The following WDPCP variants were observed in gnomAD, a reference collection of about 807,000 sequenced individuals.
WDPCP encodes WD repeat containing planar cell polarity effector, also known as WD repeat-containing and planar cell polarity effector protein fritz homolog.
In WDPCP, 71 loss-of-function variants were observed where a neutral mutation model predicts 93.1. The observed-to-expected ratio is 0.76, with a 90% CI of 0.63 to 0.93. The LOEUF (loss-of-function observed/expected upper bound fraction) is 0.93, where lower values mean the gene tolerates loss of function less well. WDPCP is among the 40% of genes least tolerant of loss of function. The probability of loss-of-function intolerance (pLI) is 0.00; values close to 1 mark genes in which losing one functional copy is unlikely to be tolerated. For synonymous variants in WDPCP, 315 were observed against 315.0 expected (o/e 1.00, Z 0.00); for missense variants, 844 against 887.4 (o/e 0.95, Z 0.62).
chr2:63,691,009 T>G (rs1475109064), intron 2 of WDPCP, among the ~76,000 whole-genome samples: 1 of 152,056 alleles, frequency 6.6e-6, no homozygotes, highest in Non-Finnish European at 1.5e-5. Context: ...TGTATATCAG[T>G]GGGGAGAAAT....
At chr2:63,631,930 C>T (rs932264626) in intron 3 of WDPCP, among the ~76,000 whole-genome samples, 7 of 152,232 alleles carry the variant, frequency 4.6e-5, no homozygotes, top group African/African-American at 7.2e-5. Flanking sequence ...CTGCAGAGGA[C>T]ACTGGCATCT....
At chr2:63,684,440 A>G (rs1318801694) in intron 2 of WDPCP, 2 of 846,928 alleles carry the variant, frequency 2.4e-6, no homozygotes, top group Non-Finnish European at 4.1e-6. Flanking sequence ...GGTGGCTGGA[A>G]TTGACTGCTA....
chr2:63,354,902 A>T (rs980115630), intron 12 of WDPCP, among the ~76,000 whole-genome samples: 2 of 152,240 alleles, frequency 1.3e-5, no homozygotes. Context: ...AATAAAAAGA[A>T]TAAAATGGAA....
chr2:63,679,990 GACC>G (rs1269115679), intron 2 of WDPCP, among the ~76,000 whole-genome samples: 8 of 152,288 alleles, frequency 5.3e-5, no homozygotes, highest in African/African-American at 1.7e-4. Flanking sequence ...AGCAGGCAGA[GACC>G]ACTTCTCTCA....
chr2:63,150,305 T>C (rs957445806), intron 17 of WDPCP, among the ~76,000 whole-genome samples: 1 of 152,172 alleles, frequency 6.6e-6, no homozygotes, highest in Non-Finnish European at 1.5e-5. Flanking sequence ...GGATGACTTT[T>C]TACTATCTTC....
intron 2 of WDPCP, among the ~76,000 whole-genome samples, chr2:63,707,476 A>T (rs1669179341): frequency 6.6e-6 from 1 of 152,186 alleles, no homozygotes; most frequent in African/African-American, 2.4e-5. Flanking sequence ...TTTCAGCTCC[A>T]TCAGGTCCCT....
intron 1 of WDPCP, among the ~76,000 whole-genome samples, chr2:63,521,686 A>T (rs913662599): frequency 3.9e-5 from 6 of 152,160 alleles, no homozygotes; most frequent in Non-Finnish European, 8.8e-5. Flanking sequence ...CCTAATAGAC[A>T]TCTACAGAAC....
rs796912329 is a variant in WDPCP, at chr2:63,353,479, C to T, written c.1748+24907G>A. ...GTAGCATTGCACCTCCCTGAGAAGGCGCTCCTGGTGGGAGGGGCAGGCCAC... is the reference window on the plus strand; with the variant it reads ...GTAGCATTGCACCTCCCTGAGAAGGTGCTCCTGGTGGGAGGGGCAGGCCAC... On this transcript the variant is annotated intron_variant, in intron 12 of 17. Transcript: ENST00000272321. 1.2e-4 allele frequency among the ~76,000 whole-genome samples: 19 copies of T among 152,318 alleles called. 1 individual carries two copies. Among genetic ancestry groups the T allele is most frequent in the African/African-American group, 3.6e-4 (15 of 41,562 alleles).
chr2:63,143,087 G>C (rs1415274673), intron 17 of WDPCP, among the ~76,000 whole-genome samples: 2 of 152,058 alleles, frequency 1.3e-5, no homozygotes, highest in Non-Finnish European at 2.9e-5. Flanking sequence ...GAGTAGCGGG[G>C]ACTACAGGCA....
chr2:63,404,036 T>C lies in WDPCP; in HGVS notation c.1435+12A>G, dbSNP rs752729656. ...ATTTTAATTTACTTACTCATCACTT[T>C]CCTTGACTTACCTAGTTTAAACAAC... On this transcript the variant is annotated intron_variant, in intron 10 of 17. Transcript: ENST00000272321. 5.9e-5 allele frequency: 96 copies of C among 1,613,924 alleles called. 1 individual carries two copies. In the South Asian group the frequency reaches 1.0e-3, roughly 17 times the overall value.
chr2:63,250,616 C>T (rs1232246883), intron 14 of WDPCP, among the ~76,000 whole-genome samples: 2 of 152,104 alleles, frequency 1.3e-5, no homozygotes, highest in East Asian at 3.8e-4. Context: ...TTATAAAAAT[C>T]TCAAGTTCTG....
intron 2 of WDPCP, among the ~76,000 whole-genome samples, chr2:63,695,995 T>C (rs1035559552): frequency 2.6e-5 from 4 of 152,048 alleles, no homozygotes; most frequent in African/African-American, 7.2e-5. Context: ...TTGGAGATGG[T>C]TGAGGTTGGG....
At chr2:63,794,414 C>G (rs993558095) in intron 2 of WDPCP, among the ~76,000 whole-genome samples, 1 of 152,144 alleles carries the variant, frequency 6.6e-6, no homozygotes, top group Non-Finnish European at 1.5e-5. Context: ...AAAAGGCTGA[C>G]TGACTTAGGA....
At chr2:63,242,496 C>T (rs1455588248) in intron 14 of WDPCP, among the ~76,000 whole-genome samples, 1 of 152,152 alleles carries the variant, frequency 6.6e-6, no homozygotes, top group African/African-American at 2.4e-5. Flanking sequence ...GTGTTGCACT[C>T]CTATAGTCCC....
chr2:63,342,811 A>G (rs1575184268), intron 12 of WDPCP, among the ~76,000 whole-genome samples: 1 of 152,284 alleles, frequency 6.6e-6, no homozygotes, highest in East Asian at 1.9e-4. Flanking sequence ...CTATGTAGTT[A>G]TCTTTACACG....
intron 1 of WDPCP, among the ~76,000 whole-genome samples, chr2:63,503,952 T>G (rs1231294534): frequency 6.7e-6 from 1 of 148,406 alleles, no homozygotes; most frequent in Non-Finnish European, 1.5e-5. Flanking sequence ...ATAGAAAAGA[T>G]AGTGGAAAAT....
At chr2:63,293,486 G>T (rs1372634300) in intron 13 of WDPCP, among the ~76,000 whole-genome samples, 3 of 151,728 alleles carry the variant, frequency 2.0e-5, no homozygotes, top group African/African-American at 7.3e-5. Context: ...AAATCATGAG[G>T]CATATAATGA....
chr2:63,590,938 CA>C (rs1306714222), upstream of WDPCP: 1 of 152,104 alleles, frequency 6.6e-6, no homozygotes, highest in African/African-American at 2.4e-5. Flanking sequence ...GGAGTGACAG[CA>C]AAATAAACTG....
At chr2:63,387,440 G>GT (rs1284571556) in intron 10 of WDPCP, among the ~76,000 whole-genome samples, 1 of 151,616 alleles carries the variant, frequency 6.6e-6, no homozygotes, top group Admixed American at 6.6e-5. Context: ...ATCGCTTCAT[G>GT]TTAAAAAAAA....
Sources: gnomAD v4.1 joint callset for allele counts (sites outside exome capture counted in the v4.1 genomes callset) on GRCh38, gnomAD v4.1.1 for gene constraint, MANE v1.5 for transcripts, NCBI Gene and HGNC (gene_info 2026-07-23, HGNC 2026-07-21) for gene names.